Variants in INO80C observed in about 807,000 individuals in gnomAD.
The protein encoded by INO80C is IES6 homolog.
Under a neutral mutation model 17.7 loss-of-function variants are expected in INO80C, and 17 were observed. That is an observed-to-expected ratio of 0.96 (90% CI 0.66 to 1.44). INO80C has a LOEUF of 1.44. Ranked by LOEUF, INO80C falls within the 40% of genes most tolerant of loss-of-function variation. The pLI, the probability that INO80C is intolerant of heterozygous loss-of-function variation, is 0.00. For missense variants in INO80C, 244 were observed against 245.0 expected, an observed-to-expected ratio of 1.00 and a Z score of 0.03; for synonymous variants, 96 against 95.8, an observed-to-expected ratio of 1.00 and a Z score of -0.01.
chr18:35,492,888 C>T (rs2045945885), intron 1 of INO80C, among the ~76,000 whole-genome samples: 1 of 152,192 alleles, frequency 6.6e-6, no homozygotes, highest in Admixed American at 6.5e-5. Context: ...TTTGAAAAGC[C>T]TAAATTACCC....
At chr18:35,472,226 A>C (rs1299262050) in intron 4 of INO80C, among the ~76,000 whole-genome samples, 2 of 152,218 alleles carry the variant, frequency 1.3e-5, no homozygotes, top group Non-Finnish European at 2.9e-5. Context: ...CCAACAGTGT[A>C]AAAGTGTTCC....
At chr18:35,492,719 G>T (rs1273737154) in intron 1 of INO80C, among the ~76,000 whole-genome samples, 2 of 152,126 alleles carry the variant, frequency 1.3e-5, no homozygotes, top group Non-Finnish European at 2.9e-5. Context: ...AATTACAGAA[G>T]ATTCTCTCAT....
chr18:35,496,178 C>G (rs1283964578), intron 1 of INO80C, among the ~76,000 whole-genome samples: 1 of 152,130 alleles, frequency 6.6e-6, no homozygotes, highest in African/African-American at 2.4e-5. Flanking sequence ...GAAATGAAAG[C>G]ATCTATCTAC....
In INO80C at chr18:35,471,848, C is replaced by A. The variant is rs558479958; in HGVS notation, c.448-3106G>T. On this transcript the variant is annotated intron_variant, in intron 4 of 4. Transcript: ENST00000334598. ...CAATTCCCACCTGAGTGACAACATG[C>A]GGTGTTTGGTTTTTTGTCCTTGTGA... 2.8e-5 allele frequency among the ~76,000 whole-genome samples: 4 copies of A among 141,492 alleles called. No homozygotes were observed. In the Admixed American group the frequency reaches 3.1e-4, roughly 11 times the overall value. The allele number at this position is 141,492 out of a possible 152,430, so 92.8% of individuals were successfully genotyped here.
intron 1 of INO80C, among the ~76,000 whole-genome samples, chr18:35,491,052 G>A (rs1214347350): frequency 3.3e-5 from 5 of 152,194 alleles, no homozygotes; most frequent in African/African-American, 9.6e-5. Flanking sequence ...GAGCCACTGC[G>A]CCTGGCCAAA....
chr18:35,495,465 A>G (rs1203994842), intron 1 of INO80C, among the ~76,000 whole-genome samples: 3 of 152,156 alleles, frequency 2.0e-5, no homozygotes, highest in Non-Finnish European at 2.9e-5. Context: ...AGAAGGCACT[A>G]TTTCATGAAA....
At chr18:35,480,419 G>T in intron 2 of INO80C, 34 bp downstream of exon 2, 1 of 1,399,376 alleles carries the variant, frequency 7.1e-7, no homozygotes, top group Non-Finnish European at 1.0e-6. Context: ...TGTGGCATTT[G>T]GATGTTTATT....
At position 35,480,557 on chromosome 18, in the gene INO80C, T is replaced by C. The variant is rs754705583; in HGVS notation, c.163A>G (p.Ser55Gly). The change falls in exon 2 of 5, where the codon AGC becomes GGC. Residue 55 changes from serine (S) to glycine (G), a missense_variant. Transcript: ENST00000334598. ...TTATTCTCACTCATGGCTTCCATGC[T>C]GATACCCTTAAAACATAATAAAAAT... ...ASASSFAQGI[S>G]MEAMSENKMV... is the part of the protein sequence containing the mutation. 3.7e-5 allele frequency: 59 copies of C among 1,605,518 alleles called. No individual in the cohort carries two copies. The highest frequency in any genetic ancestry group is 4.4e-5 in the Non-Finnish European group (52 of 1,172,140).
At chr18:35,472,210 C>T (rs954392172) in intron 4 of INO80C, among the ~76,000 whole-genome samples, 1 of 152,214 alleles carries the variant, frequency 6.6e-6, no homozygotes, top group Non-Finnish European at 1.5e-5. Context: ...CTAGTTTACA[C>T]TCCCACCAAC....
intron 1 of INO80C, among the ~76,000 whole-genome samples, chr18:35,484,246 G>C (rs1343787129): frequency 6.6e-6 from 1 of 152,212 alleles, no homozygotes; most frequent in Non-Finnish European, 1.5e-5. Context: ...GCCAGAATGA[G>C]TGCTGTGGAA....
chr18:35,492,900 A>G (rs1387267220), intron 1 of INO80C, among the ~76,000 whole-genome samples: 1 of 152,242 alleles, frequency 6.6e-6, no homozygotes, highest in Non-Finnish European at 1.5e-5. Flanking sequence ...AAATTACCCT[A>G]TATTGATTCA....
rs1265427734 is a variant in INO80C at position 35,497,880 on chromosome 18, T to G, written c.-6A>C. The G allele has an allele frequency of 1.9e-6, 3 of 1,553,802 alleles. No individual in the cohort carries two copies. Among genetic ancestry groups the G allele is most frequent in the African/African-American group, 2.8e-5 (2 of 71,354 alleles). ...ATTGGAATTTGCGCCGCCATCGCAC[T>G]CCGAGTCTTCCCCTGGTCCCCCCAC... On this transcript the variant is annotated 5_prime_UTR_variant, in exon 1 of 5. Coordinates refer to ENST00000334598, the MANE Select transcript of INO80C (RefSeq NM_194281.4).
intron 1 of INO80C, among the ~76,000 whole-genome samples, chr18:35,493,107 GTC>G (rs1485494868): frequency 1.3e-5 from 2 of 152,216 alleles, no homozygotes; most frequent in Admixed American, 1.3e-4. Flanking sequence ...AAGTTACACA[GTC>G]TCTCTATGCT....
At chr18:35,479,567 C>A (rs1412612164) in intron 2 of INO80C, among the ~76,000 whole-genome samples, 156 bp from the exon 3 acceptor site, 7 of 151,942 alleles carry the variant, frequency 4.6e-5, no homozygotes, top group Non-Finnish European at 8.8e-5. Context: ...TTTCACTGTA[C>A]ACATTAACAT....
At chr18:35,484,614 C>T (rs970161304) in intron 1 of INO80C, among the ~76,000 whole-genome samples, 6 of 152,214 alleles carry the variant, frequency 3.9e-5, no homozygotes, top group African/African-American at 1.4e-4. Flanking sequence ...ATGGCATTTA[C>T]ATTGCATTAC....
chr18:35,487,928 G>T (rs1050181308), intron 1 of INO80C: 1 of 152,174 alleles, frequency 6.6e-6, no homozygotes, highest in African/African-American at 2.4e-5. Flanking sequence ...AAACAAAGGG[G>T]CTACAGGACC....
intron 1 of INO80C, among the ~76,000 whole-genome samples, chr18:35,490,753 T>C (rs1567988109): frequency 1.3e-5 from 1 of 74,744 alleles, no homozygotes; most frequent in Non-Finnish European, 3.1e-5. Context: ...TTTCTTTTTT[T>C]ATTATTTTGT....
At chr18:35,481,317 T>A (rs1025091044) in intron 1 of INO80C, among the ~76,000 whole-genome samples, 5 of 152,244 alleles carry the variant, frequency 3.3e-5, no homozygotes, top group Admixed American at 2.6e-4. Context: ...TGATCTGTAA[T>A]ACAATTTCCC....
intron 4 of INO80C, among the ~76,000 whole-genome samples, chr18:35,473,428 A>C (rs999625530): frequency 6.6e-6 from 1 of 152,198 alleles, no homozygotes; most frequent in African/African-American, 2.4e-5. Context: ...GCTCACGCAG[A>C]GCTCAGATTC....
Sources: allele counts gnomAD v4.1 joint callset (sites outside exome capture counted in the v4.1 genomes callset), GRCh38; gene constraint gnomAD v4.1.1; transcripts MANE v1.5; gene names NCBI Gene and HGNC (gene_info 2026-07-23, HGNC 2026-07-21).